The following GPM6A variants were observed in gnomAD, a reference collection of about 807,000 sequenced individuals.
GPM6A encodes the protein neuronal membrane glycoprotein M6-a.
GPM6A carries 7 observed loss-of-function variants against 32.1 expected under a neutral mutation model. The ratio of observed to expected loss-of-function variants is 0.22; its 90% confidence interval spans 0.12 to 0.41. GPM6A has a LOEUF of 0.41. Ranked by LOEUF, GPM6A falls within the 10% of genes least tolerant of loss-of-function variation. GPM6A has a pLI of 1.00. For synonymous variants in GPM6A, 130 were observed against 123.4 expected, an observed-to-expected ratio of 1.05 and a Z score of -0.35; for missense variants, 235 against 347.2, an observed-to-expected ratio of 0.68 and a Z score of 2.57.
chr4:175,967,581 T>C (rs976875131), intron 1 of GPM6A, among the ~76,000 whole-genome samples: 1 of 152,186 alleles, frequency 6.6e-6, no homozygotes, highest in African/African-American at 2.4e-5. Flanking sequence ...GTCTGCAGGA[T>C]ACCAGGTTAA....
intron 1 of GPM6A, among the ~76,000 whole-genome samples, chr4:175,754,010 A>G (rs975362244): frequency 7.2e-5 from 11 of 152,268 alleles, no homozygotes; most frequent in African/African-American, 2.6e-4. Flanking sequence ...AATTACTCCA[A>G]CTAGAAAAAT....
intron 1 of GPM6A, among the ~76,000 whole-genome samples, chr4:175,718,995 T>G (rs1291818421): frequency 6.6e-6 from 1 of 152,182 alleles, no homozygotes; most frequent in Non-Finnish European, 1.5e-5. Context: ...TTATAGACAG[T>G]TTCTTTAATT....
At position 175,817,735 on chromosome 4, in the gene GPM6A, T is replaced by A. The variant is rs112196293; in HGVS notation, c.-22-5486A>T. On this transcript the variant is annotated intron_variant, in intron 1 of 7. Transcript: ENST00000280187. ...ATGAAGGCCTATGGAGGGGGAGACA[T>A]ACTCTGCTGAGAACATGTAATAGAC... 2.9e-3 allele frequency among the ~76,000 whole-genome samples: 449 copies of A among 152,238 alleles called. 1 individual carries two copies. The highest frequency in any genetic ancestry group is 0.01 in the African/African-American group (427 of 41,560).
chr4:175,649,434 C>T (rs941226279), intron 4 of GPM6A, among the ~76,000 whole-genome samples: 1 of 152,074 alleles, frequency 6.6e-6, no homozygotes, highest in African/African-American at 2.4e-5. Flanking sequence ...TCTTTCTGTC[C>T]TTTAGAAAAC....
intron 3 of GPM6A, among the ~76,000 whole-genome samples, chr4:175,658,310 A>AT (rs1302519120): frequency 6.6e-6 from 1 of 152,056 alleles, no homozygotes; most frequent in Admixed American, 6.6e-5. Flanking sequence ...AAAAAAAAAA[A>AT]ACAATCTGAA....
At chr4:175,668,389 C>G (rs1182357281) in intron 3 of GPM6A, among the ~76,000 whole-genome samples, 1 of 151,888 alleles carries the variant, frequency 6.6e-6, no homozygotes, top group Non-Finnish European at 1.5e-5. Context: ...CTACACCCCA[C>G]CCCCCAAATC....
intron 4 of GPM6A, among the ~76,000 whole-genome samples, chr4:175,642,281 G>C (rs144004219): frequency 9.3e-4 from 142 of 152,144 alleles, no homozygotes; most frequent in Middle Eastern, 6.8e-3. Context: ...TCTGGTCAAG[G>C]CTCTCTCTCT....
chr4:175,823,587 T>C (rs1735343227), intron 1 of GPM6A, among the ~76,000 whole-genome samples: 1 of 152,212 alleles, frequency 6.6e-6, no homozygotes, highest in Admixed American at 6.5e-5. Flanking sequence ...TCACTGCAGA[T>C]GCAGATGGTA....
intron 1 of GPM6A, among the ~76,000 whole-genome samples, chr4:175,942,842 G>A (rs144094776): frequency 0.014 from 2,149 of 152,226 alleles, 36 homozygotes; most frequent in Middle Eastern, 0.02. Flanking sequence ...TTTTGCTTAG[G>A]ATTGTCTTGG....
chr4:175,811,627 G>A (rs1734922872), intron 1 of GPM6A, among the ~76,000 whole-genome samples: 1 of 152,114 alleles, frequency 6.6e-6, no homozygotes, highest in African/African-American at 2.4e-5. Flanking sequence ...AAATCTTAAC[G>A]CTTCCATACA....
At chr4:175,907,548 C>A (rs11936733) in intron 1 of GPM6A, among the ~76,000 whole-genome samples, 15,982 of 152,126 alleles carry the variant, frequency 0.11, 892 homozygotes, top group South Asian at 0.21. Context: ...ATGCTACCCC[C>A]AAATATGACA....
At chr4:175,975,320 A>C (rs1185501133) in intron 1 of GPM6A, among the ~76,000 whole-genome samples, 1 of 146,872 alleles carries the variant, frequency 6.8e-6, no homozygotes, top group African/African-American at 2.7e-5. Context: ...TACAATCCAA[A>C]CTTGGGTGAG....
At chr4:176,001,376 C>T (rs771590621) in intron 1 of GPM6A, among the ~76,000 whole-genome samples, 9 of 152,174 alleles carry the variant, frequency 5.9e-5, no homozygotes, top group Admixed American at 3.3e-4. Context: ...ATCTCCCCTG[C>T]GCCTGTGGAT....
At chr4:175,893,274 C>G (rs1387783608) in intron 1 of GPM6A, among the ~76,000 whole-genome samples, 3 of 152,102 alleles carry the variant, frequency 2.0e-5, no homozygotes, top group African/African-American at 4.8e-5. Flanking sequence ...ACTAGAAAAA[C>G]TTGGAATATG....
At chr4:175,818,950 ACT>A (rs1485627592) in intron 1 of GPM6A, among the ~76,000 whole-genome samples, 2 of 152,072 alleles carry the variant, frequency 1.3e-5, no homozygotes, top group African/African-American at 4.8e-5. Context: ...CAAGGGTGAC[ACT>A]CTTTGGGCCA....
At chr4:175,660,414 G>C (rs1004286815) in intron 3 of GPM6A, among the ~76,000 whole-genome samples, 1 of 151,758 alleles carries the variant, frequency 6.6e-6, no homozygotes, top group Non-Finnish European at 1.5e-5. Flanking sequence ...GGACATAAAA[G>C]TTGTCTACAA....
rs1039746805 is a variant in GPM6A at position 175,914,164 on chromosome 4, G to GT, written c.-23+88144_-23+88145insA. Among the ~76,000 whole-genome samples, 10 of 152,150 alleles carry GT rather than the reference G, an allele frequency of 6.6e-5. No individual in the cohort carries two copies. The South Asian group carries it at 1.7e-3, about 25-fold the overall frequency. The stretch of plus-strand genomic sequence containing the variant: ...GAGAAAAGGAAAAAAAAATGTGTGG[G>GT]GGGGGTAGGGATATGTAGTGAGGTG... On this transcript the variant is annotated intron_variant, in intron 1 of 7. Transcript: ENST00000280187.
At chr4:175,931,687 C>T (rs866895855) in intron 1 of GPM6A, among the ~76,000 whole-genome samples, 13 of 146,438 alleles carry the variant, frequency 8.9e-5, no homozygotes, top group African/African-American at 2.5e-4. Context: ...CACACACACA[C>T]ACACACACAC....
chr4:175,870,264 CA>C (rs1736865926), intron 1 of GPM6A, among the ~76,000 whole-genome samples: 2 of 122,752 alleles, frequency 1.6e-5, no homozygotes. Context: ...ATTTTTTTTT[CA>C]ATTTTTTTCA....
Sources: gnomAD v4.1 joint callset for allele counts (sites outside exome capture counted in the v4.1 genomes callset) on GRCh38, gnomAD v4.1.1 for gene constraint, MANE v1.5 for transcripts, NCBI Gene and HGNC (gene_info 2026-07-23, HGNC 2026-07-21) for gene names.